The following CNOT3 variants were observed in gnomAD, a reference collection of about 807,000 sequenced individuals.
The protein encoded by CNOT3 is CCR4-associated factor 3.
CNOT3 carries 2 observed loss-of-function variants against 89.4 expected under a neutral mutation model. The observed-to-expected ratio is 0.02, with a 90% CI of 0.01 to 0.07. The LOEUF (loss-of-function observed/expected upper bound fraction) is 0.07, where lower values mean the gene tolerates loss of function less well. Among genes scored for constraint, CNOT3 ranks in the 10% least tolerant of loss-of-function variants. The pLI, the probability that CNOT3 is intolerant of heterozygous loss-of-function variation, is 1.00. For synonymous variants in CNOT3, 486 were observed against 402.0 expected (o/e 1.21, Z -2.50); for missense variants, 664 against 1,010.2 (o/e 0.66, Z 4.65).
At position 54,145,308 on chromosome 19, in the gene CNOT3, C is replaced by T. The variant is rs1009701807; in HGVS notation, c.484-290C>T. ...GGTGAGGTGCAGATGGAGGCCAAGT[C>T]GTGGGATGGCACAAGGACCTCTGGG... On this transcript the variant is annotated intron_variant, in intron 7 of 17. Transcript: ENST00000221232. The surrounding 1 kb of genome is among the most constrained non-coding windows in gnomAD (Gnocchi z 5.9). Among the ~76,000 whole-genome samples, 4 of 152,006 alleles carry T rather than the reference C, an allele frequency of 2.6e-5. No individual in the cohort carries two copies. The highest frequency in any genetic ancestry group is 7.3e-5 in the African/African-American group (3 of 41,354).
rs2075357999 is a variant in CNOT3, at chr19:54,155,513, A to AT, written c.*107dup. 2.2e-6 allele frequency: 2 copies of AT among 921,036 alleles called. No individual in the cohort carries two copies. Among genetic ancestry groups the AT allele is most frequent in the Non-Finnish European group, 1.6e-6 (1 of 616,696 alleles). The allele number at this position is 921,036 out of a possible 1,614,324, so 57.1% of individuals were successfully genotyped here. ...GGAGGGAGGCCCCAAGCCACGGGGC[A>AT]TCCCCCTCTCCCAGGAAGCAGGGAG... is the stretch of plus-strand genomic sequence containing the variant. On this transcript the variant is annotated 3_prime_UTR_variant, in exon 18 of 18. Coordinates refer to ENST00000221232, the MANE Select transcript of CNOT3 (RefSeq NM_014516.4).
rs1159886123 is a variant in CNOT3, at chr19:54,145,501, C to G, written c.484-97C>G. On this transcript the variant is annotated intron_variant, in intron 7 of 17. Coordinates refer to ENST00000221232, the MANE Select transcript of CNOT3 (RefSeq NM_014516.4). The surrounding 1 kb of genome is among the most constrained non-coding windows in gnomAD (Gnocchi z 5.9). ...GGGATGGCGTGGAGGCTTTGGGTCT[C>G]CACAGGGGTCAGGGACTGAGGACAG... The G allele has an allele frequency of 1.2e-6, 1 of 841,374 alleles. No individual in the cohort carries two copies. The highest frequency in any genetic ancestry group is 2.0e-5 in the Admixed American group (1 of 49,148). The allele number at this position is 841,374 out of a possible 1,614,324, so 52.1% of individuals were successfully genotyped here.
At position 54,148,242 on chromosome 19, in the gene CNOT3, C is replaced by T; in HGVS notation, c.989C>T (p.Ala330Val). ...PPTYPSGPPP[A>V]ASALSTTPGN... The stretch of plus-strand genomic sequence containing the variant: ...ACCTACCCCTCCGGCCCCCCGCCTG[C>T]TGCCTCTGCCTTGAGCACCACTCCT... The change falls in exon 11 of 18, where the codon GCT becomes GTT. Residue 330 changes from alanine to valine, a missense_variant. Around this residue, in one of 8 missense-constraint regions of CNOT3, gnomAD observed 545 missense variants for 566.2 expected, o/e 0.96. Coordinates refer to ENST00000221232, the MANE Select transcript of CNOT3 (RefSeq NM_014516.4). The surrounding 1 kb of genome is among the most constrained non-coding windows in gnomAD (Gnocchi z 6.3). 6.2e-7 allele frequency: 1 copy of T among 1,603,438 alleles called. No individual in the cohort carries two copies. Among genetic ancestry groups the T allele is most frequent in the Non-Finnish European group, 8.5e-7 (1 of 1,174,462 alleles).
rs587758045 is a variant in CNOT3 at position 54,140,139 on chromosome 19, G to A, written c.-51+2146G>A. On this transcript the variant is annotated intron_variant, in intron 1 of 17. Transcript: ENST00000221232. The stretch of plus-strand genomic sequence containing the variant: ...CCTGCCCCTCCCTCCTCGAGTCTTT[G>A]TGTGGTGGTATCATCTTCCCTGAGA... Among the ~76,000 whole-genome samples, 86 of 152,244 alleles carry A rather than the reference G, an allele frequency of 5.6e-4. 3 individuals carry two copies. Among genetic ancestry groups the A allele is most frequent in the Middle Eastern group, 6.8e-3 (2 of 294 alleles).
chr19:54,149,724 G>A lies in CNOT3; in HGVS notation c.1571G>A (p.Gly524Glu). The change falls in exon 13 of 18, where the codon GGG (glycine) becomes GAG (glutamate). Residue 524 changes from glycine (G) to glutamate (E), a missense_variant. By Grantham distance (98) the Gly-to-Glu change is moderately conservative (BLOSUM62 -2). Transcript: ENST00000221232. The part of the protein sequence containing the change: ...DAKAAGALLN[G>E]PPQFSTAPEI... ...AAGGCAGCCGGTGCCCTGCTCAATG[G>A]GCCTCCACAGTTCAGCACCGCCCCA... The A allele has an allele frequency of 6.2e-7, 1 of 1,613,526 alleles. No individual in the cohort carries two copies. Among genetic ancestry groups the A allele is most frequent in the Non-Finnish European group, 8.5e-7 (1 of 1,179,748 alleles).
chr19:54,153,405 G>A (rs774496920), intron 16 of CNOT3: 1 of 770,284 alleles, frequency 1.3e-6, no homozygotes, highest in Non-Finnish European at 2.4e-6. Flanking sequence ...TGAGTCATGA[G>A]TGACCTCCAC....
chr19:54,145,789 C>T lies in CNOT3; in HGVS notation c.675C>T (p.Leu225=), dbSNP rs1243758202. ...QDPDFEENEF[L]YDDLDLEDIP... ...CCGACTTCGAGGAGAACGAGTTTCT[C>T]TACGATGACCTGGACCTCGAGGACA... Residue 225 remains leucine, a synonymous_variant, in exon 8 of 18, where the codon CTC becomes CTT. Coordinates refer to ENST00000221232, the MANE Select transcript of CNOT3 (RefSeq NM_014516.4). The surrounding 1 kb of genome is among the most constrained non-coding windows in gnomAD (Gnocchi z 5.9). 1.9e-6 allele frequency: 3 copies of T among 1,613,222 alleles called. No individual in the cohort carries two copies. Among genetic ancestry groups the T allele is most frequent in the Admixed American group, 3.3e-5 (2 of 60,014 alleles).
At chr19:54,153,370 C>T (rs546690392) in intron 16 of CNOT3, 3 of 764,694 alleles carry the variant, frequency 3.9e-6, no homozygotes, top group East Asian at 4.9e-5. Context: ...CACTGGGGAG[C>T]TGTCCAGCCC....
chr19:54,153,985 G>A, intron 17 of CNOT3, 145 bp downstream of exon 17: 1 of 1,042,674 alleles, frequency 9.6e-7, no homozygotes. Context: ...CCTCCCTCTG[G>A]CTGTCTGCTC....
At position 54,143,652 on chromosome 19, in the gene CNOT3, A is replaced by G; in HGVS notation, c.169-8A>G. ...GAGGTCTGACTTTCTTGCTTTTCCC[A>G]TCTGCAGCGGCTGAGGGACCAAATC... is the stretch of plus-strand genomic sequence containing the variant. On this transcript the variant is annotated splice_region_variant and splice_polypyrimidine_tract_variant and intron_variant, in intron 4 of 17. Coordinates refer to ENST00000221232, the MANE Select transcript of CNOT3 (RefSeq NM_014516.4). The G allele has an allele frequency of 6.2e-7, 1 of 1,613,748 alleles. No homozygotes were observed. The highest frequency in any genetic ancestry group is 8.5e-7 in the Non-Finnish European group (1 of 1,179,838).
intron 5 of CNOT3, 32 bp downstream of exon 5, chr19:54,143,781 T>C: frequency 6.3e-7 from 1 of 1,599,834 alleles, no homozygotes; most frequent in South Asian, 1.1e-5. Context: ...CCCAGAGAGG[T>C]GGGAAGGTCA....
At position 54,146,636 on chromosome 19, in the gene CNOT3, C is replaced by A; in HGVS notation, c.873C>A (p.Ser291=). ...NSEDDKKRGR[S]TDSEVSQSPA... ...AAGATGATAAGAAGAGGGGACGTTC[C>A]ACAGACAGTGAAGTCAGCCAGGTGG... The change falls in exon 10 of 18, where the codon TCC becomes TCA. Residue 291 remains serine (S), a synonymous_variant. Coordinates refer to ENST00000221232, the MANE Select transcript of CNOT3 (RefSeq NM_014516.4). 1 of 1,570,724 alleles carries A rather than the reference C, an allele frequency of 6.4e-7. No individual in the cohort carries two copies. Among genetic ancestry groups the A allele is most frequent in the Non-Finnish European group, 8.8e-7 (1 of 1,140,556 alleles).
At chr19:54,154,592 C>T (rs1318510575) in intron 17 of CNOT3, 1 of 155,962 alleles carries the variant, frequency 6.4e-6, no homozygotes, top group African/African-American at 2.4e-5. Context: ...CCACCAAATA[C>T]TTCCCTGATG....
At chr19:54,149,886 C>T in intron 13 of CNOT3, 128 bp downstream of exon 13, 5 of 977,840 alleles carry the variant, frequency 5.1e-6, no homozygotes, top group Admixed American at 2.8e-5. Context: ...GTCCCCTTCT[C>T]ACACTTGCTC....
intron 14 of CNOT3, 30 bp downstream of exon 14, chr19:54,152,355 C>T (rs377006505): frequency 4.3e-5 from 69 of 1,613,936 alleles, no homozygotes; most frequent in African/African-American, 1.2e-4. Flanking sequence ...GGGGAAGCAG[C>T]GGGCCAAAGA....
rs375040077 is a variant in CNOT3, at chr19:54,143,110, C to T, written c.26-9C>T. On this transcript the variant is annotated splice_polypyrimidine_tract_variant and intron_variant, in intron 2 of 17. Coordinates refer to ENST00000221232, the MANE Select transcript of CNOT3 (RefSeq NM_014516.4). ...CAGGATTCTCACAGCCTTGTTCCTC[C>T]CTGGCCAGGTGAGATTGATCGCTGC... 1 of 1,613,890 alleles carries T rather than the reference C, an allele frequency of 6.2e-7. No homozygotes were observed. Among genetic ancestry groups the T allele is most frequent in the African/African-American group, 1.3e-5 (1 of 75,030 alleles).
chr19:54,139,629 C>T (rs776198463), intron 1 of CNOT3, among the ~76,000 whole-genome samples: 5 of 152,142 alleles, frequency 3.3e-5, no homozygotes, highest in African/African-American at 9.7e-5. Context: ...GTGTCCCCAC[C>T]GTAAGGCTGA....
chr19:54,142,451 C>CACACACACACACACACACACACA, intron 1 of CNOT3: 1 of 239,842 alleles, frequency 4.2e-6, no homozygotes, highest in Non-Finnish European at 8.3e-6. Flanking sequence ...CACACACACA[C>CACACACACACACACACACACACA]GCCCTTCTCT....
chr19:54,155,467 A>T lies in CNOT3; in HGVS notation c.*60A>T. 1 of 1,152,856 alleles carries T rather than the reference A, an allele frequency of 8.7e-7. No individual in the cohort carries two copies. The highest frequency in any genetic ancestry group is 1.2e-6 in the Non-Finnish European group (1 of 804,552). The allele number at this position is 1,152,856 out of a possible 1,614,324, so 71.4% of individuals were successfully genotyped here. On this transcript the variant is annotated 3_prime_UTR_variant, in exon 18 of 18. Coordinates refer to ENST00000221232, the MANE Select transcript of CNOT3 (RefSeq NM_014516.4). ...GCATGCTGATCCCCCTGCCCAGGTG[A>T]GGGCCCTGCCCTGGAAGACTGGAGG...
Sources: allele counts gnomAD v4.1 joint callset (sites outside exome capture counted in the v4.1 genomes callset), GRCh38; gene constraint gnomAD v4.1.1; regional missense constraint gnomAD v4.1.1; non-coding constraint Gnocchi (gnomAD v3.1); transcripts MANE v1.5; gene names NCBI Gene and HGNC (gene_info 2026-07-23, HGNC 2026-07-21).